Variants in KCNJ6 observed in about 807,000 individuals in gnomAD.
The protein encoded by KCNJ6 is potassium inwardly rectifying channel subfamily J member 6, also known as G protein-activated inward rectifier potassium channel 2.
Under a neutral mutation model 34.2 loss-of-function variants are expected in KCNJ6, and 9 were observed. The observed-to-expected ratio is 0.26, with a 90% CI of 0.16 to 0.46. The LOEUF (loss-of-function observed/expected upper bound fraction) is 0.46. KCNJ6 is among the 20% of genes least tolerant of loss of function. KCNJ6 has a pLI of 1.00. For missense variants in KCNJ6, 236 were observed against 531.3 expected, an observed-to-expected ratio of 0.44 and a Z score of 5.46; for synonymous variants, 196 against 207.1, an observed-to-expected ratio of 0.95 and a Z score of 0.46.
intron 3 of KCNJ6, among the ~76,000 whole-genome samples, chr21:37,710,010 C>T (rs1427358424): frequency 6.6e-6 from 1 of 152,010 alleles, no homozygotes; most frequent in African/African-American, 2.4e-5. Context: ...CCCCAGTGTT[C>T]TATGCAGTAT....
chr21:37,656,614 C>T (rs983817315), intron 3 of KCNJ6, among the ~76,000 whole-genome samples: 3 of 152,204 alleles, frequency 2.0e-5, no homozygotes, highest in African/African-American at 4.8e-5. Flanking sequence ...GGAGCTGGAG[C>T]GGCTGGGGCT....
intron 3 of KCNJ6, among the ~76,000 whole-genome samples, chr21:37,703,688 C>A (rs911631149): frequency 6.6e-6 from 1 of 152,194 alleles, no homozygotes; most frequent in Non-Finnish European, 1.5e-5. Flanking sequence ...TGGGCCACCA[C>A]CTTCCTGGGT....
At chr21:37,723,836 C>T (rs73206011) in intron 2 of KCNJ6, among the ~76,000 whole-genome samples, 34,351 of 151,932 alleles carry the variant, frequency 0.23, 3,980 homozygotes, top group African/African-American at 0.27. Context: ...TGACAGAATG[C>T]TGTACTCCAA....
intron 2 of KCNJ6, among the ~76,000 whole-genome samples, chr21:37,718,379 C>T (rs1327708438): frequency 1.3e-5 from 2 of 152,084 alleles, no homozygotes; most frequent in East Asian, 1.9e-4. Flanking sequence ...AAATATATGA[C>T]ACCTATAAGC....
intron 2 of KCNJ6, among the ~76,000 whole-genome samples, chr21:37,743,771 A>G (rs1014774799): frequency 8.0e-5 from 12 of 149,480 alleles, no homozygotes; most frequent in Non-Finnish European, 1.8e-4. Context: ...CTAAAAAAAC[A>G]AAGACTATGA....
rs1282836690 is a variant in KCNJ6, at chr21:37,884,937, T to C, written c.-28+30947A>G. On this transcript the variant is annotated intron_variant, in intron 1 of 3. Coordinates refer to ENST00000609713, the MANE Select transcript of KCNJ6 (RefSeq NM_002240.5). Reference sequence around the variant, plus strand: ...TTCTCAACCTTCTGCTGCAGTTTTCTGCCTCCTTTGCCTTCAATGCTGGTC... The same window carrying C: ...TTCTCAACCTTCTGCTGCAGTTTTCCGCCTCCTTTGCCTTCAATGCTGGTC... Among the ~76,000 whole-genome samples the C allele has an allele frequency of 5.3e-5, 8 of 152,244 alleles. No individual in the cohort carries two copies. In the South Asian group the frequency reaches 1.7e-3, roughly 32 times the overall value.
chr21:37,796,727 G>A (rs2055244006), intron 2 of KCNJ6, among the ~76,000 whole-genome samples: 1 of 150,202 alleles, frequency 6.7e-6, no homozygotes, highest in Non-Finnish European at 1.5e-5. Context: ...CAATACAGTT[G>A]CAGTTGGCCT....
intron 3 of KCNJ6, among the ~76,000 whole-genome samples, chr21:37,710,979 G>A (rs535079767): frequency 6.6e-5 from 10 of 152,208 alleles, no homozygotes; most frequent in East Asian, 5.8e-4. Flanking sequence ...TTGAAAGGTC[G>A]CCTGGCATGT....
At chr21:37,729,387 G>A (rs2054872614) in intron 2 of KCNJ6, among the ~76,000 whole-genome samples, 3 of 151,910 alleles carry the variant, frequency 2.0e-5, no homozygotes, top group Admixed American at 1.3e-4. Flanking sequence ...GCAGTGGTGC[G>A]ATCACAGCTC....
intron 2 of KCNJ6, among the ~76,000 whole-genome samples, chr21:37,789,234 G>GTT (rs1476662683): frequency 6.6e-6 from 1 of 152,180 alleles, no homozygotes; most frequent in East Asian, 1.9e-4. Flanking sequence ...AGTGAATTGT[G>GTT]TTCCCCCACA....
At position 37,863,147 on chromosome 21, in the gene KCNJ6, GTGT is replaced by G. The variant is rs552478684; in HGVS notation, c.-27-22441_-27-22439del. ...TTTTCTTTAACATTTTGCTTATTTT[GTGT>G]TATTTGATTCATTAATATTTTAGGC... is the stretch of plus-strand genomic sequence containing the variant. On this transcript the variant is annotated intron_variant, in intron 1 of 3. Transcript: ENST00000609713. Among the ~76,000 whole-genome samples the G allele has an allele frequency of 4.5e-3, 690 of 152,292 alleles. 7 individuals are homozygous for G. The highest frequency in any genetic ancestry group is 0.015 in the African/African-American group (622 of 41,558).
chr21:37,884,744 T>C (rs529680453), intron 1 of KCNJ6, among the ~76,000 whole-genome samples: 7 of 152,168 alleles, frequency 4.6e-5, no homozygotes, highest in East Asian at 1.9e-4. Context: ...CTAGGACCAC[T>C]GGGTCAGGAA....
intron 3 of KCNJ6, among the ~76,000 whole-genome samples, chr21:37,677,100 G>C (rs927013499): frequency 6.6e-6 from 1 of 152,230 alleles, no homozygotes; most frequent in Non-Finnish European, 1.5e-5. Flanking sequence ...CCTCTCCCCA[G>C]GTGCCACGAT....
At chr21:37,794,944 G>A (rs1246490331) in intron 2 of KCNJ6, among the ~76,000 whole-genome samples, 2 of 152,000 alleles carry the variant, frequency 1.3e-5, no homozygotes, top group African/African-American at 4.8e-5. Flanking sequence ...GGGCATGTAC[G>A]AGAAGAATGC....
intron 3 of KCNJ6, among the ~76,000 whole-genome samples, chr21:37,646,011 A>G (rs1046485982): frequency 6.6e-6 from 1 of 152,094 alleles, no homozygotes; most frequent in Non-Finnish European, 1.5e-5. Context: ...ACTTGTGGAA[A>G]ATTTGGTTTG....
At chr21:37,635,681 C>A (rs1173778897) in intron 3 of KCNJ6, among the ~76,000 whole-genome samples, 1 of 150,144 alleles carries the variant, frequency 6.7e-6, no homozygotes, top group Non-Finnish European at 1.5e-5. Context: ...CCACACCTGA[C>A]TATTTTTGTA....
chr21:37,913,867 C>A (rs1224665294), intron 1 of KCNJ6, among the ~76,000 whole-genome samples: 2 of 152,050 alleles, frequency 1.3e-5, no homozygotes, highest in Non-Finnish European at 2.9e-5. Context: ...TCTCGCTGAC[C>A]AGGGTGCTTC....
chr21:37,855,849 G>C (rs1328331411), intron 1 of KCNJ6, among the ~76,000 whole-genome samples: 2 of 152,158 alleles, frequency 1.3e-5, no homozygotes, highest in African/African-American at 4.8e-5. Flanking sequence ...ATATCTATCT[G>C]TGAGGAAGAA....
At chr21:37,674,334 G>A (rs1018391447) in intron 3 of KCNJ6, among the ~76,000 whole-genome samples, 8 of 152,094 alleles carry the variant, frequency 5.3e-5, no homozygotes, top group Admixed American at 2.0e-4. Flanking sequence ...GAGGACAGTT[G>A]GTCATCTACA....
Sources: gnomAD v4.1 joint callset for allele counts (sites outside exome capture counted in the v4.1 genomes callset) on GRCh38, gnomAD v4.1.1 for gene constraint, MANE v1.5 for transcripts, NCBI Gene and HGNC (gene_info 2026-07-23, HGNC 2026-07-21) for gene names.